Variants in DOCK6 observed in about 807,000 individuals in gnomAD.
DOCK6 encodes dedicator of cytokinesis protein 6.
DOCK6 carries 167 observed loss-of-function variants against 230.3 expected under a neutral mutation model. That is an observed-to-expected ratio of 0.73 (90% confidence interval 0.64 to 0.82). The LOEUF is 0.82. Among genes scored for constraint, DOCK6 ranks in the 40% least tolerant of loss-of-function variants. DOCK6 has a pLI of 0.00. For synonymous variants in DOCK6, 1,148 were observed against 1,185.0 expected (o/e 0.97, Z 0.64); for missense variants, 2,598 against 2,825.8 (o/e 0.92, Z 1.83).
intron 3 of DOCK6, 110 bp from the exon 4 acceptor site, chr19:11,252,660 C>T: frequency 4.4e-6 from 7 of 1,595,910 alleles, no homozygotes; most frequent in Non-Finnish European, 6.0e-6. Flanking sequence ...GAGATGGAGG[C>T]TCAGAGAAAA....
intron 39 of DOCK6, 114 bp downstream of exon 39, chr19:11,208,572 C>T: frequency 2.1e-6 from 3 of 1,439,672 alleles, no homozygotes; most frequent in Non-Finnish European, 2.8e-6. Context: ...AGCCACCGCG[C>T]CCAGCCTATT....
intron 34 of DOCK6, 43 bp from the exon 35 acceptor site, chr19:11,213,371 G>A (rs199535877): frequency 1.0e-4 from 161 of 1,585,708 alleles, no homozygotes; most frequent in African/African-American, 3.1e-4. Flanking sequence ...GCCCCTCCCC[G>A]TTCTGGCTCA....
Position 11,211,874 on chromosome 19 carries a change from G to C in DOCK6, c.4653C>G (p.Val1551=). Residue 1551 remains valine (V), a splice_region_variant and synonymous_variant, in exon 37 of 48, where the codon GTC becomes GTG. Transcript: ENST00000294618. ...GLRDSTFAEQ[V]QDLMFNLHMI... ...TGTGCAGGTTGAACATCAGGTCCTG[G>C]ACCTGGAGCCGGGGAACGTCCAGGG... 6.4e-7 allele frequency: 1 copy of C among 1,552,762 alleles called. No individual in the cohort carries two copies. Among genetic ancestry groups the C allele is most frequent in the South Asian group, 1.2e-5 (1 of 84,214 alleles).
chr19:11,214,561 T>C lies in DOCK6; in HGVS notation c.4195A>G (p.Ile1399Val). 2 of 1,613,886 alleles carry C rather than the reference T, an allele frequency of 1.2e-6. No individual in the cohort carries two copies. The highest frequency in any genetic ancestry group is 1.7e-6 in the Non-Finnish European group (2 of 1,179,872). Residue 1399 changes from isoleucine to valine, a missense_variant, in exon 33 of 48, where the codon ATC becomes GTC. Ile to Val is a conservative substitution (Grantham distance 29). Transcript: ENST00000294618. ...GCTGGATCAAGCCCTACCTGCACGA[T>C]GATCTCCAGTGTGTCCAGAACCACT... ...SLVVLDTLEI[I>V]VQTVMLSEAR...
chr19:11,204,309 T>C lies in DOCK6; in HGVS notation c.5111A>G (p.Asn1704Ser). ...FTMGGLYEAV[N>S]EVYKNLIPIL... ...GGGGATGAGGTTCTTGTAGACCTCATTCACCGCCTCGTAGAGCCCGCCCTG... is the reference window on the plus strand; with the variant it reads ...GGGGATGAGGTTCTTGTAGACCTCACTCACCGCCTCGTAGAGCCCGCCCTG... Residue 1704 changes from asparagine to serine, a missense_variant, in exon 40 of 48, where the codon AAT (asparagine) becomes AGT (serine). By Grantham distance (46) the Asn-to-Ser change is conservative. Transcript: ENST00000294618. 1 of 1,611,524 alleles carries C rather than the reference T, an allele frequency of 6.2e-7. No individual in the cohort carries two copies. Among genetic ancestry groups the C allele is most frequent in the Non-Finnish European group, 8.5e-7 (1 of 1,178,924 alleles).
rs755748124 is a variant in DOCK6 at position 11,223,062 on chromosome 19, G to A, written c.3000C>T (p.Phe1000=). 3 of 1,613,800 alleles carry A rather than the reference G, an allele frequency of 1.9e-6. No individual in the cohort carries two copies. The South Asian group carries it at 3.3e-5, about 18-fold the overall frequency. The change falls in exon 25 of 48, where the codon TTC becomes TTT. Residue 1000 remains phenylalanine (F), a synonymous_variant. Coordinates refer to ENST00000294618, the MANE Select transcript of DOCK6 (RefSeq NM_020812.4). ...CCACCAGGGACAGAAGGTCACTGAG[G>A]AAGAAAGCCAGGCTGGCGTTGAGGT... is the stretch of plus-strand genomic sequence containing the variant. The part of the protein sequence containing the change: ...AEHLNASLAF[F]LSDLLSLVDR...
In DOCK6 at chr19:11,202,487, G is replaced by A. The variant is rs944076542; in HGVS notation, c.5362-4C>T. ...CAAATCTCTCCGTGTAGAACTCCTG[G>A]AGACACAGGGCTGACTCGGGGCCAC... is the stretch of plus-strand genomic sequence containing the variant. On this transcript the variant is annotated splice_region_variant and splice_polypyrimidine_tract_variant and intron_variant, in intron 42 of 47. Coordinates refer to ENST00000294618, the MANE Select transcript of DOCK6 (RefSeq NM_020812.4). The surrounding 1 kb of genome is among the most constrained non-coding windows in gnomAD (Gnocchi z 5.3). 1 of 1,613,312 alleles carries A rather than the reference G, an allele frequency of 6.2e-7. No homozygotes were observed.
intron 28 of DOCK6, among the ~76,000 whole-genome samples, chr19:11,219,588 G>A (rs2079549897): frequency 6.6e-6 from 1 of 151,694 alleles, no homozygotes; most frequent in Non-Finnish European, 1.5e-5. Flanking sequence ...AGGAGATCGA[G>A]ACCATCCTGG....
chr19:11,242,002 A>G, intron 14 of DOCK6, 43 bp downstream of exon 14: 2 of 1,539,810 alleles, frequency 1.3e-6, no homozygotes, highest in South Asian at 2.5e-5. Context: ...TGATGTATGA[A>G]TACCTCCCAT....
rs566803658 is a variant in DOCK6, at chr19:11,201,923, A to T, written c.5654T>A (p.Ile1885Asn). ...LLSTDHAFPY[I>N]KTRIRVCHRE... ...GTGGCACACACGGATGCGAGTCTTGATGTAGGGGAAGGCGTGGTCGGTGCT... is the reference window on the plus strand; with the variant it reads ...GTGGCACACACGGATGCGAGTCTTGTTGTAGGGGAAGGCGTGGTCGGTGCT... Residue 1885 changes from isoleucine to asparagine, a missense_variant, in exon 44 of 48, where the codon ATC (isoleucine) becomes AAC (asparagine). Ile to Asn is a moderately radical substitution (Grantham distance 149, BLOSUM62 -3). Transcript: ENST00000294618. This position sits in a 1 kb window ranked among gnomAD's most constrained non-coding sequence, Gnocchi z 4.3. 2.6e-6 allele frequency: 4 copies of T among 1,525,942 alleles called. No homozygotes were observed. Among genetic ancestry groups the T allele is most frequent in the East Asian group, 5.3e-5 (2 of 38,038 alleles). 94.5% of individuals were successfully genotyped at this position (1,525,942 alleles called of 1,614,324 possible).
At chr19:11,210,393 T>C (rs989536559) in intron 37 of DOCK6, among the ~76,000 whole-genome samples, 4 of 147,596 alleles carry the variant, frequency 2.7e-5, no homozygotes, top group Admixed American at 6.7e-5. Flanking sequence ...TGGCCATCTC[T>C]TCACCAGTCC....
In DOCK6 at chr19:11,201,008, C is replaced by A; in HGVS notation, c.5733G>T (p.Lys1911Asn). ...PVEVAIEDMQ[K>N]KTRELAFATE... ...TGGCAAAGGCCAGCTCCCGTGTCTT[C>A]TTCTGCATGTCCTCGATGGCCACCT... The change falls in exon 45 of 48, where the codon AAG becomes AAT. Residue 1911 changes from lysine (K) to asparagine (N), a missense_variant. Coordinates refer to ENST00000294618, the MANE Select transcript of DOCK6 (RefSeq NM_020812.4). This position sits in a 1 kb window ranked among gnomAD's most constrained non-coding sequence, Gnocchi z 4.3. 6.2e-7 allele frequency: 1 copy of A among 1,613,978 alleles called. No individual in the cohort carries two copies. Among genetic ancestry groups the A allele is most frequent in the East Asian group, 2.2e-5 (1 of 44,884 alleles).
intron 24 of DOCK6, among the ~76,000 whole-genome samples, chr19:11,224,616 G>A (rs2079635398): frequency 6.6e-6 from 1 of 152,218 alleles, no homozygotes; most frequent in East Asian, 1.9e-4. Context: ...TAAGGGAACA[G>A]TCAGTGCAAA....
chr19:11,243,621 G>A lies in DOCK6; in HGVS notation c.1194C>T (p.Ala398=), dbSNP rs778793476. 7 of 1,611,818 alleles carry A rather than the reference G, an allele frequency of 4.3e-6. No individual in the cohort carries two copies. The East Asian group carries it at 8.9e-5, about 21-fold the overall frequency. The change falls in exon 11 of 48, where the codon GCC becomes GCT. Residue 398 remains alanine, a synonymous_variant. Coordinates refer to ENST00000294618, the MANE Select transcript of DOCK6 (RefSeq NM_020812.4). The surrounding 1 kb of genome is among the most constrained non-coding windows in gnomAD (Gnocchi z 6.3). ...TGCTCACGATGTTGGCCAAGTGCAC[G>A]GCCGTCCAGGCGAAGGGCATGCGGT... is the stretch of plus-strand genomic sequence containing the variant. ...GRYRMPFAWT[A]VHLANIVSSA...
intron 16 of DOCK6, 41 bp from the exon 17 acceptor site, chr19:11,237,820 C>T (rs936261176): frequency 2.1e-5 from 33 of 1,544,354 alleles, no homozygotes; most frequent in Non-Finnish European, 2.8e-5. Flanking sequence ...GGGCTGGGGT[C>T]CCCACTGTCT....
Position 11,215,385 on chromosome 19 carries a change from A to C in DOCK6, c.4106+2T>G. ...AGCAGACACCCTCCTGCCCACACCT[A>C]CTTGTCCACGCGGTCTGAGGTTTGC... On this transcript the variant is annotated splice_donor_variant, in intron 32 of 47. Coordinates refer to ENST00000294618, the MANE Select transcript of DOCK6 (RefSeq NM_020812.4). LOFTEE classifies it high-confidence loss of function. The C allele has an allele frequency of 6.2e-7, 1 of 1,612,456 alleles. No individual in the cohort carries two copies. The highest frequency in any genetic ancestry group is 8.5e-7 in the Non-Finnish European group (1 of 1,179,346).
chr19:11,217,270 G>T lies in DOCK6; in HGVS notation c.3672C>A (p.Ala1224=), dbSNP rs1329052527. ...GGGAGATGCTGGCCCGGGAGCCAGG[G>T]GCTAGGGGGCCACCAGCAATGGCCA... ...VAMAIAGGPL[A]PGSRASISQG... Residue 1224 remains alanine, a synonymous_variant, in exon 29 of 48, where the codon GCC becomes GCA. Transcript: ENST00000294618. 1 of 1,612,934 alleles carries T rather than the reference G, an allele frequency of 6.2e-7. No homozygotes were observed. Among genetic ancestry groups the T allele is most frequent in the Admixed American group, 1.7e-5 (1 of 59,918 alleles).
rs1026842776 is a variant in DOCK6 at position 11,245,706 on chromosome 19, C to G, written c.880G>C (p.Glu294Gln). The G allele has an allele frequency of 1.1e-5, 17 of 1,603,996 alleles. No individual in the cohort carries two copies. The highest frequency in any genetic ancestry group is 1.4e-5 in the Non-Finnish European group (17 of 1,174,094). The change falls in exon 9 of 48, where the codon GAG becomes CAG. Residue 294 changes from glutamate to glutamine, a missense_variant. Glu to Gln is a conservative substitution (Grantham distance 29, BLOSUM62 2). Coordinates refer to ENST00000294618, the MANE Select transcript of DOCK6 (RefSeq NM_020812.4). ...GAGTTCAGGTCGAAGTAGAAGTTCT[C>G]CGAGATCTGGGGACACCAGAGGCAG... ...YDVREKKKISENFYFDLNSDS... is the reference protein window; with the variant it reads ...YDVREKKKISQNFYFDLNSDS...
At chr19:11,252,373 G>C in intron 4 of DOCK6, 109 bp downstream of exon 4, 1 of 1,578,046 alleles carries the variant, frequency 6.3e-7, no homozygotes, top group Non-Finnish European at 8.7e-7. Flanking sequence ...AGACAAGTTT[G>C]CCTGCTCTTG....
Sources: allele counts gnomAD v4.1 joint callset (sites outside exome capture counted in the v4.1 genomes callset), GRCh38; gene constraint gnomAD v4.1.1; non-coding constraint Gnocchi (gnomAD v3.1); transcripts MANE v1.5; gene names NCBI Gene and HGNC (gene_info 2026-07-23, HGNC 2026-07-21).